The following ADAMTS3 variants were observed in gnomAD, a reference collection of about 807,000 sequenced individuals.
The protein encoded by ADAMTS3 is ADAM metallopeptidase with thrombospondin type 1 motif 3, also known as A disintegrin and metalloproteinase with thrombospondin motifs 3.
ADAMTS3 carries 73 observed loss-of-function variants against 129.0 expected under a neutral mutation model. The ratio of observed to expected loss-of-function variants is 0.57; its 90% CI spans 0.47 to 0.69. ADAMTS3 has a LOEUF of 0.69. Ranked by LOEUF, ADAMTS3 falls within the 30% of genes least tolerant of loss-of-function variation. ADAMTS3 has a pLI of 0.00. For missense variants in ADAMTS3, 1,457 were observed against 1,514.5 expected, an observed-to-expected ratio of 0.96 and a Z score of 0.63; for synonymous variants, 477 against 510.8, an observed-to-expected ratio of 0.93 and a Z score of 0.89.
chr4:72,475,367 G>A (rs1578714545), intron 3 of ADAMTS3, among the ~76,000 whole-genome samples: 1 of 151,954 alleles, frequency 6.6e-6, no homozygotes, highest in Non-Finnish European at 1.5e-5. Context: ...CTATACTAAT[G>A]TTAGATAATG....
intron 3 of ADAMTS3, among the ~76,000 whole-genome samples, chr4:72,513,252 G>T (rs1056485308): frequency 6.6e-6 from 1 of 152,118 alleles, no homozygotes; most frequent in Non-Finnish European, 1.5e-5. Flanking sequence ...GGTCATGCCA[G>T]CTCAAAACTT....
At chr4:72,315,133 A>C (rs72653996) in intron 11 of ADAMTS3, among the ~76,000 whole-genome samples, 7,023 of 152,242 alleles carry the variant, frequency 0.046, 242 homozygotes, top group Non-Finnish European at 0.071. Flanking sequence ...ATTTCTGGGC[A>C]ACTTTCACAA....
intron 1 of ADAMTS3, among the ~76,000 whole-genome samples, chr4:72,567,853 A>T (rs1202630866): frequency 6.6e-6 from 1 of 152,240 alleles, no homozygotes; most frequent in African/African-American, 2.4e-5. Context: ...AAAAACTAAC[A>T]GAGAAATTCT....
chr4:72,481,432 G>T (rs76164685), intron 3 of ADAMTS3, among the ~76,000 whole-genome samples: 2,515 of 152,128 alleles, frequency 0.017, 78 homozygotes, highest in African/African-American at 0.058. Context: ...AAGTTGCAAA[G>T]GCAATTCAAT....
intron 3 of ADAMTS3, among the ~76,000 whole-genome samples, chr4:72,467,934 T>C (rs1718964279): frequency 6.6e-6 from 1 of 152,090 alleles, no homozygotes; most frequent in African/African-American, 2.4e-5. Context: ...TCAACTAATG[T>C]TCAAAGAGGT....
intron 17 of ADAMTS3, among the ~76,000 whole-genome samples, chr4:72,302,323 A>C (rs1490375305): frequency 2.0e-5 from 3 of 152,030 alleles, no homozygotes; most frequent in African/African-American, 7.2e-5. Flanking sequence ...AAAAGAACCA[A>C]ATGGAAATTC....
chr4:72,547,404 A>G (rs1721494311), intron 3 of ADAMTS3, among the ~76,000 whole-genome samples: 1 of 152,228 alleles, frequency 6.6e-6, no homozygotes, highest in African/African-American at 2.4e-5. Context: ...CTCACTGAGT[A>G]ATATCTATGT....
rs771289967 is a variant in ADAMTS3, at chr4:72,339,679, C to T, written c.676G>A (p.Gly226Ser). The change falls in exon 5 of 22, where the codon GGC (glycine) becomes AGC (serine). Residue 226 changes from glycine to serine, a missense_variant. Coordinates refer to ENST00000286657, the MANE Select transcript of ADAMTS3 (RefSeq NM_014243.3). ...DFHYRESDLE[G>S]LDDLGTVYGN... ...TAAACAGTACCTAGATCATCAAGGCCTTCCAGGTCCGACTCTAATAAGAGA... is the reference window on the plus strand; with the variant it reads ...TAAACAGTACCTAGATCATCAAGGCTTTCCAGGTCCGACTCTAATAAGAGA... 6.2e-7 allele frequency: 1 copy of T among 1,613,734 alleles called. No homozygotes were observed. The highest frequency in any genetic ancestry group is 1.7e-5 in the Admixed American group (1 of 59,982).
intron 3 of ADAMTS3, chr4:72,441,860 C>T (rs908427156): frequency 3.3e-5 from 5 of 150,256 alleles, no homozygotes; most frequent in Admixed American, 2.6e-4. Flanking sequence ...ACAAGAAGTC[C>T]AGTAAGTGGC....
intron 4 of ADAMTS3, among the ~76,000 whole-genome samples, chr4:72,371,269 A>T (rs1720997794): frequency 6.6e-6 from 1 of 152,168 alleles, no homozygotes; most frequent in Non-Finnish European, 1.5e-5. Flanking sequence ...AAACCAACAC[A>T]ATTACATTAA....
intron 5 of ADAMTS3, among the ~76,000 whole-genome samples, chr4:72,325,503 C>A (rs1295347739): frequency 6.6e-6 from 1 of 152,160 alleles, no homozygotes; most frequent in Non-Finnish European, 1.5e-5. Context: ...TGTAAGGCAG[C>A]TGTTTCAAAT....
rs147841241 is a variant in ADAMTS3 at position 72,522,411 on chromosome 4, G to A, written c.504+26067C>T. Among the ~76,000 whole-genome samples, 873 of 152,212 alleles carry A rather than the reference G, an allele frequency of 5.7e-3. 3 individuals carry two copies. The highest frequency in any genetic ancestry group is 0.02 in the African/African-American group (839 of 41,532). On this transcript the variant is annotated intron_variant, in intron 3 of 21. Coordinates refer to ENST00000286657, the MANE Select transcript of ADAMTS3 (RefSeq NM_014243.3). ...CTCTTTCCACACAATAGATGAAATA[G>A]CACCCACTACATCATCCTGGTTACA...
chr4:72,352,181 C>T (rs7691026), intron 4 of ADAMTS3, among the ~76,000 whole-genome samples: 3,932 of 151,950 alleles, frequency 0.026, 169 homozygotes, highest in African/African-American at 0.09. Context: ...AAAGGTTATC[C>T]GGATGTAGTG....
intron 3 of ADAMTS3, among the ~76,000 whole-genome samples, chr4:72,504,386 G>A (rs12642305): frequency 2.4e-4 from 37 of 152,214 alleles, no homozygotes; most frequent in African/African-American, 7.7e-4. Context: ...TAAGAAGGCC[G>A]AAAATAGGCC....
At chr4:72,457,009 A>T (rs1021379913) in intron 3 of ADAMTS3, among the ~76,000 whole-genome samples, 2 of 151,704 alleles carry the variant, frequency 1.3e-5, no homozygotes, top group Non-Finnish European at 3.0e-5. Flanking sequence ...CCCAAAATAT[A>T]AGTAGAGATC....
intron 3 of ADAMTS3, among the ~76,000 whole-genome samples, chr4:72,473,160 T>C (rs1462916278): frequency 6.6e-6 from 1 of 152,166 alleles, no homozygotes; most frequent in African/African-American, 2.4e-5. Context: ...TCATAATCAG[T>C]ATATCAGAAG....
chr4:72,367,356 C>T (rs542093237), intron 4 of ADAMTS3, among the ~76,000 whole-genome samples: 2 of 152,024 alleles, frequency 1.3e-5, no homozygotes, highest in Admixed American at 1.3e-4. Context: ...TAGAGAGCTT[C>T]ATTTCAATAT....
chr4:72,467,030 A>C (rs1403590577), intron 3 of ADAMTS3, among the ~76,000 whole-genome samples: 1 of 152,058 alleles, frequency 6.6e-6, no homozygotes, highest in Non-Finnish European at 1.5e-5. Flanking sequence ...GAAGTAATCA[A>C]ACATTATTTC....
chr4:72,335,778 C>T (rs1719974256), intron 5 of ADAMTS3, among the ~76,000 whole-genome samples: 1 of 152,076 alleles, frequency 6.6e-6, no homozygotes, highest in Non-Finnish European at 1.5e-5. Flanking sequence ...TAATTTATTT[C>T]TTAAACACTG....
Sources: gnomAD v4.1 joint callset for allele counts (sites outside exome capture counted in the v4.1 genomes callset) on GRCh38, gnomAD v4.1.1 for gene constraint, MANE v1.5 for transcripts, NCBI Gene and HGNC (gene_info 2026-07-23, HGNC 2026-07-21) for gene names.